DSCAM: variants seen among roughly 807,000 people sequenced by gnomAD.
DSCAM encodes cell adhesion molecule DSCAM.
DSCAM carries 47 observed loss-of-function variants against 217.7 expected under a neutral mutation model. The observed-to-expected ratio is 0.22, with a 90% confidence interval of 0.17 to 0.28. The LOEUF (loss-of-function observed/expected upper bound fraction) is 0.28. Ranked by LOEUF, DSCAM falls within the 10% of genes least tolerant of loss-of-function variation. The pLI is 1.00. For missense variants in DSCAM, 2,080 were observed against 2,618.3 expected (o/e 0.79, Z 4.49); for synonymous variants, 1,056 against 1,015.3 (o/e 1.04, Z -0.76).
At chr21:40,312,861 C>T (rs1302767747) in intron 8 of DSCAM, among the ~76,000 whole-genome samples, 1 of 152,080 alleles carries the variant, frequency 6.6e-6, no homozygotes, top group Non-Finnish European at 1.5e-5. Context: ...ACCTGTAATC[C>T]CAGCACTTTG....
At chr21:40,388,916 G>T (rs1466832759) in intron 3 of DSCAM, among the ~76,000 whole-genome samples, 1 of 152,134 alleles carries the variant, frequency 6.6e-6, no homozygotes, top group Non-Finnish European at 1.5e-5. Context: ...CTCATTTCAT[G>T]TTGGCTTTTC....
chr21:40,757,486 A>G (rs902394019), intron 1 of DSCAM, among the ~76,000 whole-genome samples: 1 of 152,202 alleles, frequency 6.6e-6, no homozygotes, highest in South Asian at 2.1e-4. Context: ...TACTCCTTCA[A>G]TCTGGAGTTG....
chr21:40,475,528 C>G (rs917833524), intron 3 of DSCAM, among the ~76,000 whole-genome samples: 8 of 152,184 alleles, frequency 5.3e-5, no homozygotes, highest in African/African-American at 1.9e-4. Context: ...TGTGTTCATT[C>G]ACGAAAGTGC....
chr21:40,159,565 C>A (rs2090517160), intron 16 of DSCAM, among the ~76,000 whole-genome samples: 1 of 152,140 alleles, frequency 6.6e-6, no homozygotes. Context: ...TTACTACCTA[C>A]CCATCTATTT....
intron 3 of DSCAM, among the ~76,000 whole-genome samples, chr21:40,560,955 C>A (rs902867584): frequency 6.6e-6 from 1 of 152,304 alleles, no homozygotes; most frequent in East Asian, 1.9e-4. Context: ...GCTCAAGGAC[C>A]ATATGCTTAT....
intron 11 of DSCAM, among the ~76,000 whole-genome samples, chr21:40,201,054 T>A (rs193185558): frequency 5.5e-4 from 84 of 152,362 alleles, no homozygotes; most frequent in Admixed American, 1.9e-3. Context: ...TATGCTTACA[T>A]AATGAAGTTA....
intron 1 of DSCAM, among the ~76,000 whole-genome samples, chr21:40,819,013 C>G (rs768824477): frequency 2.0e-5 from 3 of 152,164 alleles, no homozygotes; most frequent in African/African-American, 7.2e-5. Flanking sequence ...AAGCCCTACA[C>G]GGAGCCCATT....
chr21:40,199,590 G>T (rs2091049366), intron 11 of DSCAM, among the ~76,000 whole-genome samples: 2 of 152,156 alleles, frequency 1.3e-5, no homozygotes, highest in African/African-American at 2.4e-5. Context: ...TTCCACAATG[G>T]TTGAACTAAT....
chr21:40,751,523 G>T (rs2091228506), intron 1 of DSCAM, among the ~76,000 whole-genome samples: 1 of 152,298 alleles, frequency 6.6e-6, no homozygotes, highest in Admixed American at 6.5e-5. Context: ...CAATAATGTG[G>T]AGAACAAAGC....
At chr21:40,054,558 C>T (rs1437254871) in intron 29 of DSCAM, among the ~76,000 whole-genome samples, 1 of 152,238 alleles carries the variant, frequency 6.6e-6, no homozygotes, top group Non-Finnish European at 1.5e-5. Context: ...GCAGTTTATC[C>T]AGACCACAAG....
At chr21:40,722,673 C>T (rs58383466) in intron 1 of DSCAM, among the ~76,000 whole-genome samples, 7,587 of 151,994 alleles carry the variant, frequency 0.05, 231 homozygotes, top group Middle Eastern at 0.054. Flanking sequence ...TAGGTTTAAA[C>T]GAAACCAAAT....
intron 3 of DSCAM, among the ~76,000 whole-genome samples, chr21:40,532,626 A>G (rs916531283): frequency 6.6e-6 from 1 of 152,164 alleles, no homozygotes; most frequent in Non-Finnish European, 1.5e-5. Context: ...GAAAGCAAGC[A>G]GGGAAAGAAG....
At chr21:40,548,428 A>G (rs2076601464) in intron 3 of DSCAM, among the ~76,000 whole-genome samples, 1 of 152,128 alleles carries the variant, frequency 6.6e-6, no homozygotes, top group Non-Finnish European at 1.5e-5. Context: ...GCTGCAAGAC[A>G]GTAGGTGACT....
chr21:40,380,196 CTATT>C (rs755114091), intron 3 of DSCAM, among the ~76,000 whole-genome samples: 1 of 152,184 alleles, frequency 6.6e-6, no homozygotes, highest in African/African-American at 2.4e-5. Flanking sequence ...CCTAATTACC[CTATT>C]TAGTTTGTTA....
In DSCAM at chr21:40,124,277, A is replaced by C. The variant is rs1601355189; in HGVS notation, c.3614T>G (p.Val1205Gly). The change falls in exon 20 of 33, where the codon GTC becomes GGC. Residue 1205 changes from valine (V) to glycine (G), a missense_variant. Around this residue, in one of 5 missense-constraint regions of DSCAM, gnomAD observed 1,144 missense variants for 1,421.1 expected, o/e 0.81. Coordinates refer to ENST00000400454, the MANE Select transcript of DSCAM (RefSeq NM_001389.5). ...GAGAGGGGGAAGCCAGGACACAAAG[A>C]CCATGGAGGCTGAGGCCGCCGCTGC... is the stretch of plus-strand genomic sequence containing the variant. ...VKAAAASASM[V>G]FVSWLPPLKL... The C allele has an allele frequency of 6.2e-7, 1 of 1,613,844 alleles. No homozygotes were observed. Among genetic ancestry groups the C allele is most frequent in the Non-Finnish European group, 8.5e-7 (1 of 1,179,982 alleles).
intron 8 of DSCAM, among the ~76,000 whole-genome samples, chr21:40,335,271 G>C (rs1053576265): frequency 6.6e-6 from 1 of 152,084 alleles, no homozygotes; most frequent in Middle Eastern, 3.4e-3. Flanking sequence ...TCCTTCTTTT[G>C]TTTGCAAGTA....
chr21:40,782,252 A>G (rs1346752659), intron 1 of DSCAM, among the ~76,000 whole-genome samples: 5 of 152,090 alleles, frequency 3.3e-5, no homozygotes, highest in African/African-American at 9.7e-5. Context: ...CCCAACTCCA[A>G]TGGTATCACG....
At chr21:40,483,745 T>G (rs975348130) in intron 3 of DSCAM, among the ~76,000 whole-genome samples, 1 of 152,210 alleles carries the variant, frequency 6.6e-6, no homozygotes, top group Admixed American at 6.5e-5. Context: ...TGGAATAGAT[T>G]AGTGTGCCTA....
rs565158575 is a variant in DSCAM, at chr21:40,014,315, G to A, written c.5687-929C>T. On this transcript the variant is annotated intron_variant, in intron 32 of 32. Coordinates refer to ENST00000400454, the MANE Select transcript of DSCAM (RefSeq NM_001389.5). ...TGAGGCAGGAGAATCGCTTGAACCCGGGAGGAGGAGGTTGCAGTGAGCTGA... is the reference window on the plus strand; with the variant it reads ...TGAGGCAGGAGAATCGCTTGAACCCAGGAGGAGGAGGTTGCAGTGAGCTGA... Among the ~76,000 whole-genome samples, 279 of 152,296 alleles carry A rather than the reference G, an allele frequency of 1.8e-3. 2 individuals carry two copies. Among genetic ancestry groups the A allele is most frequent in the African/African-American group, 5.9e-3 (247 of 41,566 alleles).
Sources: gnomAD v4.1 joint callset for allele counts (sites outside exome capture counted in the v4.1 genomes callset) on GRCh38, gnomAD v4.1.1 for gene constraint, gnomAD v4.1.1 regional missense constraint, MANE v1.5 for transcripts, NCBI Gene and HGNC (gene_info 2026-07-23, HGNC 2026-07-21) for gene names.